LRRC7: variants seen among roughly 807,000 people sequenced by gnomAD.
The protein encoded by LRRC7 is leucine-rich repeat-containing protein 7.
In LRRC7, 23 loss-of-function variants were observed where a neutral mutation model predicts 175.7. That is an observed-to-expected ratio of 0.13 (90% CI 0.09 to 0.19). The LOEUF (loss-of-function observed/expected upper bound fraction) is 0.19. Ranked by LOEUF, LRRC7 falls within the 10% of genes least tolerant of loss-of-function variation. The pLI is 1.00. For synonymous variants in LRRC7, 685 were observed against 680.9 expected, an observed-to-expected ratio of 1.01 and a Z score of -0.09; for missense variants, 1,354 against 1,904.7, an observed-to-expected ratio of 0.71 and a Z score of 5.38.
intron 2 of LRRC7, among the ~76,000 whole-genome samples, chr1:69,686,034 A>G (rs113779431): frequency 0.013 from 1,939 of 152,292 alleles, 30 homozygotes; most frequent in African/African-American, 0.034. Context: ...TTACATATAA[A>G]GAAGCATCAA....
chr1:70,115,742 T>TA (rs1260374379), intron 26 of LRRC7, among the ~76,000 whole-genome samples: 1 of 152,088 alleles, frequency 6.6e-6, no homozygotes, highest in Non-Finnish European at 1.5e-5. Flanking sequence ...GGAAGAGAGA[T>TA]AAAAAGAGCT....
At chr1:69,857,744 G>A (rs1683850539) in intron 7 of LRRC7, among the ~76,000 whole-genome samples, 1 of 152,134 alleles carries the variant, frequency 6.6e-6, no homozygotes, top group African/African-American at 2.4e-5. Flanking sequence ...TTTGTTCACA[G>A]AATTGGAAAA....
At chr1:70,118,063 G>GCACACA (rs71583108) in intron 26 of LRRC7, among the ~76,000 whole-genome samples, 4 of 146,782 alleles carry the variant, frequency 2.7e-5, no homozygotes, top group African/African-American at 1.0e-4. Context: ...CTTCTTCTAT[G>GCACACA]CACACACACA....
intron 7 of LRRC7, among the ~76,000 whole-genome samples, chr1:69,839,420 C>A (rs1681480597): frequency 6.6e-6 from 1 of 152,072 alleles, no homozygotes; most frequent in Admixed American, 6.6e-5. Context: ...TTGAATTATG[C>A]CTTTCTCTAA....
intron 5 of LRRC7, among the ~76,000 whole-genome samples, chr1:69,830,806 A>C (rs925071248): frequency 3.9e-5 from 6 of 151,962 alleles, no homozygotes; most frequent in African/African-American, 1.4e-4. Context: ...AGAAAAGTTC[A>C]ATAGAAAATG....
rs1230787781 is a variant in LRRC7 at position 69,884,558 on chromosome 1, C to A, written c.647+46275C>A. Reference sequence around the variant, plus strand: ...TCTAGATATACAATCATGTCGTCTGCAAACAGGGACAATTTGACTTCCTCT... The same window carrying A: ...TCTAGATATACAATCATGTCGTCTGAAAACAGGGACAATTTGACTTCCTCT... On this transcript the variant is annotated intron_variant, in intron 7 of 26. Coordinates refer to ENST00000651989, the MANE Select transcript of LRRC7 (RefSeq NM_001370785.2). Among the ~76,000 whole-genome samples, 3 of 138,700 alleles carry A rather than the reference C, an allele frequency of 2.2e-5. 1 individual carries two copies. Among genetic ancestry groups the A allele is most frequent in the African/African-American group, 9.0e-5 (3 of 33,260 alleles). 91.0% of individuals were successfully genotyped at this position (138,700 alleles called of 152,430 possible).
At chr1:69,865,734 C>T (rs939743079) in intron 7 of LRRC7, among the ~76,000 whole-genome samples, 9 of 151,932 alleles carry the variant, frequency 5.9e-5, no homozygotes, top group Non-Finnish European at 1.3e-4. Flanking sequence ...CCCGCCTCAG[C>T]CTCCCAAAGT....
chr1:69,934,239 A>C (rs903890278), intron 8 of LRRC7, among the ~76,000 whole-genome samples: 1 of 152,126 alleles, frequency 6.6e-6, no homozygotes, highest in Non-Finnish European at 1.5e-5. Flanking sequence ...TTTGCATGAC[A>C]TGGTAAAGAG....
At chr1:69,984,049 C>T (rs530630869) in intron 9 of LRRC7, among the ~76,000 whole-genome samples, 4 of 152,190 alleles carry the variant, frequency 2.6e-5, no homozygotes, top group Non-Finnish European at 4.4e-5. Context: ...CCTCAGCCTC[C>T]TGAGTAGCTG....
At chr1:69,834,714 A>T (rs1165992851) in intron 5 of LRRC7, 66 bp from the exon 6 acceptor site, 22 of 1,149,708 alleles carry the variant, frequency 1.9e-5, no homozygotes, top group Non-Finnish European at 2.1e-5. Flanking sequence ...TCAGAGATAC[A>T]TATTTTTTTT....
chr1:70,118,586 T>A (rs555916533), intron 26 of LRRC7, among the ~76,000 whole-genome samples: 6 of 152,284 alleles, frequency 3.9e-5, no homozygotes, highest in Non-Finnish European at 8.8e-5. Context: ...TTACTTGACA[T>A]GATTGTGGTC....
chr1:69,583,924 G>A (rs1483845606), intron 1 of LRRC7, among the ~76,000 whole-genome samples: 1 of 152,108 alleles, frequency 6.6e-6, no homozygotes, highest in African/African-American at 2.4e-5. Flanking sequence ...AGGTATTTGG[G>A]ACTGCCAGTT....
intron 7 of LRRC7, among the ~76,000 whole-genome samples, chr1:69,860,376 G>A (rs1344271498): frequency 6.6e-6 from 1 of 151,916 alleles, no homozygotes; most frequent in East Asian, 1.9e-4. Flanking sequence ...TTTTATAGAT[G>A]AGGAAAAAAA....
chr1:69,793,948 T>C (rs1361166765), intron 4 of LRRC7, among the ~76,000 whole-genome samples: 1 of 150,960 alleles, frequency 6.6e-6, no homozygotes, highest in East Asian at 1.9e-4. Flanking sequence ...AGAATCACTG[T>C]GGATAAGACT....
At chr1:69,868,239 T>C (rs1441045843) in intron 7 of LRRC7, among the ~76,000 whole-genome samples, 1 of 152,162 alleles carries the variant, frequency 6.6e-6, no homozygotes, top group East Asian at 1.9e-4. Flanking sequence ...ATAAAATTTC[T>C]ATTATTTAAA....
At chr1:69,807,486 G>A (rs1557755151) in intron 4 of LRRC7, among the ~76,000 whole-genome samples, 1 of 152,160 alleles carries the variant, frequency 6.6e-6, no homozygotes, top group South Asian at 2.1e-4. Flanking sequence ...TTGTAAGGCA[G>A]GCCTGGTGGT....
intron 2 of LRRC7, among the ~76,000 whole-genome samples, chr1:69,698,230 C>T (rs1273243972): frequency 2.6e-5 from 4 of 152,174 alleles, no homozygotes; most frequent in Non-Finnish European, 5.9e-5. Flanking sequence ...CTAGAACACC[C>T]GTTCTGGATT....
chr1:69,778,562 G>C (rs562293462), intron 3 of LRRC7, among the ~76,000 whole-genome samples: 2 of 152,082 alleles, frequency 1.3e-5, no homozygotes, highest in Non-Finnish European at 2.9e-5. Context: ...GGTCCACCTG[G>C]CAGAAGTGCA....
chr1:69,651,749 C>G (rs1655861230), intron 1 of LRRC7, among the ~76,000 whole-genome samples: 1 of 152,104 alleles, frequency 6.6e-6, no homozygotes, highest in Non-Finnish European at 1.5e-5. Context: ...AGAGAATGTC[C>G]TGGCTCCCTG....
Sources: gnomAD v4.1 joint callset for allele counts (sites outside exome capture counted in the v4.1 genomes callset) on GRCh38, gnomAD v4.1.1 for gene constraint, MANE v1.5 for transcripts, NCBI Gene and HGNC (gene_info 2026-07-23, HGNC 2026-07-21) for gene names.